Variants in ITGA9 observed in about 807,000 individuals in gnomAD.
ITGA9 encodes integrin alpha-9.
ITGA9 carries 56 observed loss-of-function variants against 127.8 expected under a neutral mutation model. That is an observed-to-expected ratio of 0.44 (90% CI 0.35 to 0.55). ITGA9 has a LOEUF of 0.55. ITGA9 is among the 20% of genes least tolerant of loss of function. The pLI, the probability that ITGA9 is intolerant of heterozygous loss-of-function variation, is 0.00. For synonymous variants in ITGA9, 508 were observed against 514.5 expected (o/e 0.99, Z 0.17); for missense variants, 1,196 against 1,347.1 (o/e 0.89, Z 1.76).
At chr3:37,659,983 AACACAC>A (rs10694969) in intron 17 of ITGA9, among the ~76,000 whole-genome samples, 2 of 149,932 alleles carry the variant, frequency 1.3e-5, no homozygotes, top group Non-Finnish European at 3.0e-5. Context: ...AAGATGATGT[AACACAC>A]ACACACACAC....
chr3:37,669,383 TCCCCCTGTGCC>T (rs1234272966), intron 17 of ITGA9, among the ~76,000 whole-genome samples: 3 of 152,108 alleles, frequency 2.0e-5, no homozygotes, highest in African/African-American at 7.2e-5. Context: ...GAGGCTAGAT[TCCCCCTGTGCC>T]CACAGCCTTG....
chr3:37,542,140 TTGATACCTCA>T (rs1308411891), intron 14 of ITGA9, among the ~76,000 whole-genome samples: 1 of 152,164 alleles, frequency 6.6e-6, no homozygotes, highest in Admixed American at 6.5e-5. Flanking sequence ...GCTGGCTCAG[TTGATACCTCA>T]TGATGGCATG....
intron 18 of ITGA9, among the ~76,000 whole-genome samples, chr3:37,700,454 A>G (rs1449531057): frequency 6.6e-6 from 1 of 152,152 alleles, no homozygotes; most frequent in East Asian, 1.9e-4. Context: ...CCCAGGCTCA[A>G]GCGATCCTCC....
intron 23 of ITGA9, among the ~76,000 whole-genome samples, chr3:37,762,792 G>T (rs1016894576): frequency 6.6e-6 from 1 of 152,158 alleles, no homozygotes; most frequent in Non-Finnish European, 1.5e-5. Context: ...GTCTGGGTGC[G>T]TAGCTGTCCA....
intron 26 of ITGA9, among the ~76,000 whole-genome samples, chr3:37,796,127 C>T (rs147829409): frequency 7.2e-5 from 11 of 152,208 alleles, no homozygotes; most frequent in Non-Finnish European, 1.3e-4. Context: ...CAAGTTCACT[C>T]ATGCCAAAGG....
intron 17 of ITGA9, among the ~76,000 whole-genome samples, chr3:37,659,758 G>A (rs1700514972): frequency 6.6e-6 from 1 of 151,988 alleles, no homozygotes; most frequent in Non-Finnish European, 1.5e-5. Flanking sequence ...AGGAGAAGAG[G>A]CATTCTGATT....
intron 15 of ITGA9, among the ~76,000 whole-genome samples, chr3:37,574,170 T>G (rs1029735647): frequency 6.6e-6 from 1 of 152,242 alleles, no homozygotes; most frequent in Middle Eastern, 3.2e-3. Context: ...ATTTTACATT[T>G]ATGTGAAGTT....
At chr3:37,731,112 T>C (rs1696285885) in intron 18 of ITGA9, among the ~76,000 whole-genome samples, 1 of 152,226 alleles carries the variant, frequency 6.6e-6, no homozygotes, top group Non-Finnish European at 1.5e-5. Context: ...TATCACTCAA[T>C]AATTTTATGT....
chr3:37,511,824 T>C (rs1391468124), intron 8 of ITGA9, among the ~76,000 whole-genome samples: 4 of 151,932 alleles, frequency 2.6e-5, no homozygotes, highest in Non-Finnish European at 4.4e-5. Context: ...TAGATTGGAG[T>C]GTCCTCTACC....
chr3:37,746,614 CA>C (rs531884944), intron 22 of ITGA9, among the ~76,000 whole-genome samples: 39 of 152,300 alleles, frequency 2.6e-4, no homozygotes, highest in African/African-American at 9.4e-4. Context: ...TTACCCCATT[CA>C]TGCTTGAAAT....
intron 15 of ITGA9, among the ~76,000 whole-genome samples, chr3:37,599,691 T>C (rs2125619850): frequency 6.6e-6 from 1 of 152,354 alleles, no homozygotes; most frequent in East Asian, 1.9e-4. Flanking sequence ...CAAGCCATGA[T>C]TCTTTACTTA....
intron 7 of ITGA9, 21 bp from the exon 8 acceptor site, chr3:37,508,538 T>A (rs1466760279): frequency 4.5e-6 from 7 of 1,545,320 alleles, no homozygotes; most frequent in East Asian, 2.3e-5. Context: ...CTAACTAGAT[T>A]TTTTTTTTTT....
intron 16 of ITGA9, among the ~76,000 whole-genome samples, chr3:37,653,271 T>C (rs566483528): frequency 6.6e-6 from 1 of 152,310 alleles, no homozygotes; most frequent in Non-Finnish European, 1.5e-5. Flanking sequence ...CAGAACCTAT[T>C]TCATATATAA....
intron 15 of ITGA9, among the ~76,000 whole-genome samples, chr3:37,594,649 G>A (rs6809311): frequency 0.64 from 96,563 of 151,970 alleles, 31,041 homozygotes; most frequent in East Asian, 0.73. Flanking sequence ...TCAGTTTCCC[G>A]TCTGTAAATG....
chr3:37,474,727 G>A (rs1395538601), intron 3 of ITGA9, among the ~76,000 whole-genome samples: 6 of 152,346 alleles, frequency 3.9e-5, no homozygotes, highest in African/African-American at 9.6e-5. Flanking sequence ...AAGCTCAAGA[G>A]GGGAAAGTAA....
intron 4 of ITGA9, among the ~76,000 whole-genome samples, chr3:37,488,552 T>G (rs1367157976): frequency 6.6e-6 from 1 of 152,080 alleles, no homozygotes; most frequent in Non-Finnish European, 1.5e-5. Context: ...ATCCCAGCAC[T>G]TTGGGAGGCT....
chr3:37,795,767 G>A (rs1697164818), intron 26 of ITGA9, among the ~76,000 whole-genome samples: 1 of 152,114 alleles, frequency 6.6e-6, no homozygotes, highest in African/African-American at 2.4e-5. Flanking sequence ...CTCCTCCTCA[G>A]TCAATCTTCT....
intron 16 of ITGA9, among the ~76,000 whole-genome samples, chr3:37,650,334 C>T (rs1430560700): frequency 2.6e-5 from 4 of 152,108 alleles, no homozygotes; most frequent in African/African-American, 4.8e-5. Context: ...GTGCCATCAT[C>T]GAGATATTGT....
chr3:37,560,105 C>A (rs553230464), intron 15 of ITGA9, among the ~76,000 whole-genome samples: 1 of 151,746 alleles, frequency 6.6e-6, no homozygotes, highest in African/African-American at 2.4e-5. Flanking sequence ...TCCCCCAGCC[C>A]GCCACCCCCC....
Sources: gnomAD v4.1 joint callset for allele counts (sites outside exome capture counted in the v4.1 genomes callset) on GRCh38, gnomAD v4.1.1 for gene constraint, MANE v1.5 for transcripts, NCBI Gene and HGNC (gene_info 2026-07-23, HGNC 2026-07-21) for gene names.